Variants in AUTS2 observed in about 807,000 individuals in gnomAD.
The protein encoded by AUTS2 is activator of transcription and developmental regulator AUTS2.
A neutral mutation model predicts 112.4 loss-of-function variants in AUTS2; 17 were observed. That is an observed-to-expected ratio of 0.15 (90% CI 0.10 to 0.23). The LOEUF (loss-of-function observed/expected upper bound fraction) is 0.23. Ranked by LOEUF, AUTS2 falls within the 10% of genes least tolerant of loss-of-function variation. AUTS2 has a pLI of 1.00. For synonymous variants in AUTS2, 751 were observed against 702.7 expected (o/e 1.07, Z -1.09); for missense variants, 1,510 against 1,701.6 (o/e 0.89, Z 1.98).
intron 5 of AUTS2, among the ~76,000 whole-genome samples, chr7:70,519,856 G>A (rs1319586988): frequency 6.6e-6 from 1 of 152,134 alleles, no homozygotes; most frequent in African/African-American, 2.4e-5. Context: ...GAGGGGCAAA[G>A]GAAGCCATTC....
At chr7:69,610,921 A>G (rs2129078804) in intron 1 of AUTS2, among the ~76,000 whole-genome samples, 1 of 152,332 alleles carries the variant, frequency 6.6e-6, no homozygotes, top group South Asian at 2.1e-4. Context: ...GAAGTCAGTG[A>G]CATCTGTTAT....
chr7:70,306,080 AAT>A (rs1402931108), intron 4 of AUTS2, among the ~76,000 whole-genome samples: 3 of 152,310 alleles, frequency 2.0e-5, no homozygotes, highest in African/African-American at 7.2e-5. Flanking sequence ...GGAATCATAG[AAT>A]CACATTTGGG....
intron 5 of AUTS2, among the ~76,000 whole-genome samples, chr7:70,563,463 A>T (rs1004729323): frequency 6.6e-6 from 1 of 152,182 alleles, no homozygotes; most frequent in Non-Finnish European, 1.5e-5. Flanking sequence ...GTTTTTTAAA[A>T]GAAAACGATG....
intron 1 of AUTS2, among the ~76,000 whole-genome samples, chr7:69,628,445 G>A (rs1779906362): frequency 6.6e-6 from 1 of 152,172 alleles, no homozygotes; most frequent in Admixed American, 6.5e-5. Flanking sequence ...TTTAGAGGAA[G>A]TTTATAATAA....
chr7:70,348,665 C>T (rs1243678324), intron 4 of AUTS2, among the ~76,000 whole-genome samples: 2 of 152,084 alleles, frequency 1.3e-5, no homozygotes, highest in Non-Finnish European at 2.9e-5. Context: ...AAAAAATTAG[C>T]CAGGCGAGGT....
chr7:70,043,721 TGCCTCAGCCTCCCGAGTA>T (rs1157485725), intron 2 of AUTS2, among the ~76,000 whole-genome samples: 15 of 151,990 alleles, frequency 9.9e-5, no homozygotes, highest in African/African-American at 3.6e-4. Flanking sequence ...GCAATTCTCC[TGCCTCAGCCTCCCGAGTA>T]GCTGGGATTA....
At chr7:69,999,128 T>C (rs1179165193) in intron 2 of AUTS2, among the ~76,000 whole-genome samples, 5 of 152,206 alleles carry the variant, frequency 3.3e-5, no homozygotes, top group Non-Finnish European at 7.3e-5. Flanking sequence ...GATTTGATTA[T>C]GTCATGGCAC....
At chr7:70,331,198 G>A (rs935912719) in intron 4 of AUTS2, among the ~76,000 whole-genome samples, 1 of 151,992 alleles carries the variant, frequency 6.6e-6, no homozygotes, top group African/African-American at 2.4e-5. Context: ...TTGGTTGTTA[G>A]GCTATTAATT....
chr7:69,600,005 C>A (rs753448020), intron 1 of AUTS2, 43 bp downstream of exon 1: 2 of 1,601,608 alleles, frequency 1.2e-6, no homozygotes, highest in Admixed American at 3.4e-5. Flanking sequence ...TTATGCACGA[C>A]CCCACTCGGC....
At chr7:70,628,175 G>A (rs1346145522) in intron 5 of AUTS2, among the ~76,000 whole-genome samples, 4 of 152,150 alleles carry the variant, frequency 2.6e-5, no homozygotes, top group Non-Finnish European at 4.4e-5. Flanking sequence ...GCCCAAAGAG[G>A]TAAGCAGAGG....
intron 5 of AUTS2, among the ~76,000 whole-genome samples, chr7:70,535,835 C>T (rs1800294927): frequency 6.6e-6 from 1 of 152,200 alleles, no homozygotes; most frequent in African/African-American, 2.4e-5. Flanking sequence ...CAGAGCGTTA[C>T]TGCCTTCCCA....
At chr7:69,866,632 A>G (rs995183895) in intron 1 of AUTS2, among the ~76,000 whole-genome samples, 9 of 152,200 alleles carry the variant, frequency 5.9e-5, no homozygotes, top group Admixed American at 5.9e-4. Context: ...AAAATCACAG[A>G]GCAAGCAAAG....
rs746949648 is a variant in AUTS2 at position 70,435,772 on chromosome 7, G to A, written c.681G>A (p.Gln227=). The change falls in exon 5 of 19, where the codon CAG becomes CAA. Residue 227 remains glutamine (Q), a synonymous_variant. Coordinates refer to ENST00000342771, the MANE Select transcript of AUTS2 (RefSeq NM_015570.4). ...TTCAGTGTGACAGTGACAGTGACCA[G>A]GAAGAGAAGGTAAGACCCCCCCTCC... ...TGYFCDSDSD[Q]EEKASDASSE... is the part of the protein sequence containing the mutation. The A allele has an allele frequency of 1.9e-6, 3 of 1,614,012 alleles. No individual in the cohort carries two copies. Among genetic ancestry groups the A allele is most frequent in the South Asian group, 1.1e-5 (1 of 91,078 alleles).
At chr7:70,764,342 G>A (rs1789770384) in intron 7 of AUTS2, among the ~76,000 whole-genome samples, 1 of 152,172 alleles carries the variant, frequency 6.6e-6, no homozygotes, top group South Asian at 2.1e-4. Context: ...AAGACAGATG[G>A]GGGGAACTCA....
At chr7:70,298,517 A>G (rs1435631124) in intron 4 of AUTS2, among the ~76,000 whole-genome samples, 1 of 152,140 alleles carries the variant, frequency 6.6e-6, no homozygotes, top group Non-Finnish European at 1.5e-5. Flanking sequence ...AGGTTGAGAG[A>G]GATTATTTCT....
chr7:70,718,421 TG>T (rs1563149701), intron 6 of AUTS2, among the ~76,000 whole-genome samples: 2 of 152,198 alleles, frequency 1.3e-5, no homozygotes, highest in Non-Finnish European at 2.9e-5. Context: ...CCCAGCACTT[TG>T]GAGCCTGGGG....
At chr7:69,951,749 AT>A (rs1399919566) in intron 2 of AUTS2, among the ~76,000 whole-genome samples, 1 of 152,036 alleles carries the variant, frequency 6.6e-6, no homozygotes, top group Non-Finnish European at 1.5e-5. Context: ...ATTGTAGCTG[AT>A]TTTTCCTTTC....
chr7:70,001,687 T>C (rs1183390369), intron 2 of AUTS2, among the ~76,000 whole-genome samples: 1 of 151,896 alleles, frequency 6.6e-6, no homozygotes, highest in African/African-American at 2.4e-5. Flanking sequence ...CCTGATGCAA[T>C]TGAATTATAG....
intron 5 of AUTS2, among the ~76,000 whole-genome samples, chr7:70,443,833 ATC>A (rs1374906142): frequency 1.3e-5 from 2 of 152,220 alleles, no homozygotes; most frequent in African/African-American, 4.8e-5. Context: ...AGTTCATTTA[ATC>A]TGTGTTCCTC....
Sources: allele counts gnomAD v4.1 joint callset (sites outside exome capture counted in the v4.1 genomes callset), GRCh38; gene constraint gnomAD v4.1.1; transcripts MANE v1.5; gene names NCBI Gene and HGNC (gene_info 2026-07-23, HGNC 2026-07-21).